NDST3: variants seen among roughly 807,000 people sequenced by gnomAD.
NDST3 encodes N-deacetylase and N-sulfotransferase 3.
A neutral mutation model predicts 96.1 loss-of-function variants in NDST3; 58 were observed. The observed-to-expected ratio is 0.60, with a 90% CI of 0.49 to 0.75. The LOEUF (loss-of-function observed/expected upper bound fraction) is 0.75, where lower values mean the gene tolerates loss of function less well. NDST3 is among the 30% of genes least tolerant of loss of function. The probability of loss-of-function intolerance (pLI) is 0.00; values close to 1 mark genes in which losing one functional copy is unlikely to be tolerated. For synonymous variants in NDST3, 333 were observed against 359.7 expected (o/e 0.93, Z 0.84); for missense variants, 788 against 1,034.2 (o/e 0.76, Z 3.27).
chr4:118,211,203 G>T (rs966786919), intron 6 of NDST3, among the ~76,000 whole-genome samples: 13 of 152,136 alleles, frequency 8.5e-5, no homozygotes, highest in African/African-American at 3.1e-4. Flanking sequence ...AAGACTTAAA[G>T]CTACATGGCA....
At position 118,067,694 on chromosome 4, in the gene NDST3, G is replaced by A. The variant is rs1006354257; in HGVS notation, c.981+12803G>A. 2.0e-5 allele frequency among the ~76,000 whole-genome samples: 3 copies of A among 152,102 alleles called. No individual in the cohort carries two copies. The South Asian group carries it at 6.2e-4, about 31-fold the overall frequency. ...TTCAGAATAGTTCAGAGCCTCTGAA[G>A]AGGCCTAGGAGGGCCTATGTTCACT... is the stretch of plus-strand genomic sequence containing the variant. On this transcript the variant is annotated intron_variant, in intron 2 of 13. Coordinates refer to ENST00000296499, the MANE Select transcript of NDST3 (RefSeq NM_004784.3).
intron 2 of NDST3, among the ~76,000 whole-genome samples, chr4:118,079,959 GTGTTCCT>G (rs1348895944): frequency 5.1e-4 from 77 of 152,270 alleles, no homozygotes; most frequent in African/African-American, 1.7e-3. Context: ...TGACAGCAGT[GTGTTCCT>G]CCAGTTGGGG....
At chr4:118,133,606 C>T (rs1205191442) in intron 4 of NDST3, among the ~76,000 whole-genome samples, 1 of 152,152 alleles carries the variant, frequency 6.6e-6, no homozygotes, top group African/African-American at 2.4e-5. Flanking sequence ...AAAATTTGGC[C>T]TTCCTGCAGG....
In NDST3 at chr4:118,258,238, C is replaced by A. The variant is rs1742230589; in HGVS notation, c.*2526C>A. 1 of 152,192 alleles carries A rather than the reference C, an allele frequency of 6.6e-6. No individual in the cohort carries two copies. Among genetic ancestry groups the A allele is most frequent in the Admixed American group, 6.5e-5 (1 of 15,282 alleles). The allele number at this position is 152,192 out of a possible 1,614,324, so 9.4% of individuals were successfully genotyped here. A position where few individuals can be genotyped will look rare whatever the true frequency, so the allele number is the denominator to read the frequency against. The stretch of plus-strand genomic sequence containing the variant: ...ACATGTATTACGCTAGCTAGAGCAG[C>A]AAACCTGTGAAAGGATTTTTGACCA... On this transcript the variant is annotated 3_prime_UTR_variant, in exon 14 of 14. Coordinates refer to ENST00000296499, the MANE Select transcript of NDST3 (RefSeq NM_004784.3).
chr4:118,253,440 T>C (rs1741889445), intron 12 of NDST3, 59 bp from the exon 13 acceptor site: 12 of 1,145,444 alleles, frequency 1.0e-5, no homozygotes, highest in Admixed American at 1.9e-5. Flanking sequence ...CACCATATCA[T>C]ATAAATTGGT....
intron 6 of NDST3, among the ~76,000 whole-genome samples, chr4:118,210,605 G>A (rs754520485): frequency 8.6e-5 from 13 of 151,984 alleles, no homozygotes; most frequent in African/African-American, 1.2e-4. Flanking sequence ...GTGAAACCCC[G>A]TCTCTACTAA....
chr4:118,186,766 C>T (rs1044573889), intron 6 of NDST3, among the ~76,000 whole-genome samples: 14 of 152,306 alleles, frequency 9.2e-5, no homozygotes, highest in Non-Finnish European at 1.3e-4. Flanking sequence ...ACTTAGGTAA[C>T]GGTGTGACAA....
At chr4:118,107,497 T>G (rs1216099680) in intron 3 of NDST3, among the ~76,000 whole-genome samples, 1 of 152,118 alleles carries the variant, frequency 6.6e-6, no homozygotes, top group Non-Finnish European at 1.5e-5. Flanking sequence ...GCTCTCAAGA[T>G]ACACTGAAAA....
At chr4:118,144,484 T>C in intron 6 of NDST3, among the ~76,000 whole-genome samples, 1 of 152,182 alleles carries the variant, frequency 6.6e-6, no homozygotes, top group East Asian at 1.9e-4. Context: ...CTGGCCGGGC[T>C]ACTCTTTTAC....
intron 2 of NDST3, among the ~76,000 whole-genome samples, chr4:118,097,755 A>G (rs1729431741): frequency 6.6e-6 from 1 of 152,006 alleles, no homozygotes. Flanking sequence ...CAAGATTCAA[A>G]ACAGTTTATG....
chr4:118,047,611 G>C (rs1724844532), intron 1 of NDST3, among the ~76,000 whole-genome samples: 1 of 152,188 alleles, frequency 6.6e-6, no homozygotes, highest in Non-Finnish European at 1.5e-5. Flanking sequence ...ACAATTAGAA[G>C]TATTAACAGC....
intron 2 of NDST3, among the ~76,000 whole-genome samples, chr4:118,066,183 T>TACATA (rs1440302764): frequency 0.011 from 237 of 22,352 alleles, 34 homozygotes; most frequent in African/African-American, 0.021. Flanking sequence ...TTATATATTA[T>TACATA]ATATCTTATA....
intron 4 of NDST3, among the ~76,000 whole-genome samples, chr4:118,136,769 TAAGAA>T (rs1330093167): frequency 6.6e-6 from 1 of 151,996 alleles, no homozygotes; most frequent in Non-Finnish European, 1.5e-5. Flanking sequence ...GTTTACGAGA[TAAGAA>T]AAGGGCATTC....
At chr4:118,123,364 C>T (rs1219463129) in intron 4 of NDST3, among the ~76,000 whole-genome samples, 1 of 152,134 alleles carries the variant, frequency 6.6e-6, no homozygotes, top group African/African-American at 2.4e-5. Flanking sequence ...TGCAAGTACT[C>T]TGAGAATTTG....
intron 2 of NDST3, among the ~76,000 whole-genome samples, chr4:118,065,013 G>A (rs568813654): frequency 9.9e-5 from 15 of 152,164 alleles, no homozygotes; most frequent in African/African-American, 2.4e-4. Flanking sequence ...TTAAGGATCC[G>A]TATGGCCCAC....
At chr4:118,068,649 G>T (rs1726798653) in intron 2 of NDST3, among the ~76,000 whole-genome samples, 1 of 152,070 alleles carries the variant, frequency 6.6e-6, no homozygotes, top group Admixed American at 6.6e-5. Context: ...TCACCTAGAT[G>T]ATTCTAATGC....
chr4:118,047,925 A>C (rs1724862231), intron 1 of NDST3, among the ~76,000 whole-genome samples: 1 of 152,200 alleles, frequency 6.6e-6, no homozygotes, highest in Non-Finnish European at 1.5e-5. Context: ...GCACACAGTC[A>C]TCAGATTCAC....
chr4:118,162,414 G>A (rs1735225320), intron 6 of NDST3, among the ~76,000 whole-genome samples: 1 of 152,042 alleles, frequency 6.6e-6, no homozygotes, highest in Admixed American at 6.5e-5. Context: ...ATAGATCAAT[G>A]GAACAGAACA....
chr4:118,187,090 AC>A (rs1192450952), intron 6 of NDST3, among the ~76,000 whole-genome samples: 1 of 152,216 alleles, frequency 6.6e-6, no homozygotes, highest in Non-Finnish European at 1.5e-5. Context: ...AATTAGCTAG[AC>A]AAAGAGTCTA....
Sources: allele counts gnomAD v4.1 joint callset (sites outside exome capture counted in the v4.1 genomes callset), GRCh38; gene constraint gnomAD v4.1.1; transcripts MANE v1.5; gene names NCBI Gene and HGNC (gene_info 2026-07-23, HGNC 2026-07-21).